Variants in FAR2 observed in about 807,000 individuals in gnomAD.
FAR2 encodes the protein epididymis secretory protein Li 81.
FAR2 carries 19 observed loss-of-function variants against 56.0 expected under a neutral mutation model. The ratio of observed to expected loss-of-function variants is 0.34; its 90% CI spans 0.24 to 0.50. The LOEUF is 0.50. FAR2 is among the 20% of genes least tolerant of loss of function. The pLI, the probability that FAR2 is intolerant of heterozygous loss-of-function variation, is 0.98. For missense variants in FAR2, 508 were observed against 642.2 expected (o/e 0.79, Z 2.26); for synonymous variants, 219 against 218.8 (o/e 1.00, Z -0.01).
intron 1 of FAR2, among the ~76,000 whole-genome samples, chr12:29,174,021 TC>T (rs1181503477): frequency 6.6e-6 from 1 of 152,084 alleles, no homozygotes; most frequent in Non-Finnish European, 1.5e-5. Flanking sequence ...TCCTAAGCAT[TC>T]TCCTGTTAGT....
intron 1 of FAR2, among the ~76,000 whole-genome samples, chr12:29,188,831 G>A (rs7296268): frequency 0.78 from 117,958 of 150,834 alleles, 46,984 homozygotes; most frequent in East Asian, 0.91. Flanking sequence ...CAGGTACCCT[G>A]TAAAAATTTT....
At chr12:29,157,752 T>TC (rs1949742769) in intron 1 of FAR2, among the ~76,000 whole-genome samples, 1 of 152,202 alleles carries the variant, frequency 6.6e-6, no homozygotes, top group Admixed American at 6.5e-5. Context: ...ATCCCAGGTA[T>TC]CCTTGAAAGC....
chr12:29,291,304 G>T (rs78573308), intron 2 of FAR2: 17,016 of 442,520 alleles, frequency 0.038, 471 homozygotes, highest in East Asian at 0.069. Flanking sequence ...CTGCAGAGGC[G>T]GTTAAGAAAT....
In FAR2 at chr12:29,242,084, C is replaced by T. The variant is rs141800347; in HGVS notation, c.-38-28328C>T. 1.4e-4 allele frequency among the ~76,000 whole-genome samples: 21 copies of T among 152,278 alleles called. No homozygotes were observed. The East Asian group carries it at 1.9e-3, about 14-fold the overall frequency. Reference sequence around the variant, plus strand: ...CAAACATCCGTGTTAATGCTCAGCACGCCACTTTACACCGAAGGAGTCACA... The same window carrying T: ...CAAACATCCGTGTTAATGCTCAGCATGCCACTTTACACCGAAGGAGTCACA... On this transcript the variant is annotated intron_variant, in intron 1 of 11. Transcript: ENST00000536681.
chr12:29,157,369 G>A (rs11050084), intron 1 of FAR2, among the ~76,000 whole-genome samples: 26,058 of 151,772 alleles, frequency 0.17, 2,390 homozygotes, highest in South Asian at 0.28. Context: ...TATCCCCTAT[G>A]GCTTTTGGAC....
Position 29,214,163 on chromosome 12 carries a change from A to G in FAR2, c.-38-56249A>G, listed in dbSNP as rs564698608. Among the ~76,000 whole-genome samples, 3 of 152,314 alleles carry G rather than the reference A, an allele frequency of 2.0e-5. No individual in the cohort carries two copies. In the South Asian group the frequency reaches 6.2e-4, roughly 32 times the overall value. On this transcript the variant is annotated intron_variant, in intron 1 of 11. Coordinates refer to ENST00000536681, the MANE Select transcript of FAR2 (RefSeq NM_001271783.2). The stretch of plus-strand genomic sequence containing the variant: ...CTTTTAGCTTGGATGCGTTATTCCA[A>G]TAATACTGAAAGAATATTGCTCTTC...
chr12:29,199,963 A>T (rs1947385276), intron 1 of FAR2, among the ~76,000 whole-genome samples: 1 of 152,152 alleles, frequency 6.6e-6, no homozygotes, highest in East Asian at 1.9e-4. Flanking sequence ...TAGAAAACCC[A>T]ATTAGATGTG....
At chr12:29,190,100 A>T (rs933533295) in intron 1 of FAR2, among the ~76,000 whole-genome samples, 1 of 152,166 alleles carries the variant, frequency 6.6e-6, no homozygotes, top group Non-Finnish European at 1.5e-5. Flanking sequence ...GCAGCTTTGG[A>T]GGGGAGGATA....
At chr12:29,211,261 G>A (rs1230719477) in intron 1 of FAR2, among the ~76,000 whole-genome samples, 3 of 151,972 alleles carry the variant, frequency 2.0e-5, no homozygotes, top group African/African-American at 4.8e-5. Context: ...ACTGCACTCC[G>A]GCCTGGGCAA....
At position 29,291,690 on chromosome 12, in the gene FAR2, G is replaced by A. The variant is rs571354206; in HGVS notation, c.190-1610G>A. Reference sequence around the variant, plus strand: ...CAATGCAGTTCACTTTGTGGACAGCGTTATGAAAAGACCAAAACCACTGAC... The same window carrying A: ...CAATGCAGTTCACTTTGTGGACAGCATTATGAAAAGACCAAAACCACTGAC... On this transcript the variant is annotated intron_variant, in intron 2 of 11. Transcript: ENST00000536681. 4.6e-5 allele frequency among the ~76,000 whole-genome samples: 7 copies of A among 152,258 alleles called. No individual in the cohort carries two copies. The South Asian group carries it at 6.2e-4, about 14-fold the overall frequency.
Position 29,307,790 on chromosome 12 carries a change from C to A in FAR2, c.678C>A (p.Ile226=), listed in dbSNP as rs1199287545. 1 of 1,612,736 alleles carries A rather than the reference C, an allele frequency of 6.2e-7. No individual in the cohort carries two copies. Among genetic ancestry groups the A allele is most frequent in the Non-Finnish European group, 8.5e-7 (1 of 1,179,842 alleles). ...QQESRNLNIA[I]IRPSIVGATW... ...AGAGCAGGAACCTGAACATTGCCAT[C>A]ATAAGGCCCTCCATTGTGGGAGCAA... The change falls in exon 5 of 12, where the codon ATC becomes ATA. Residue 226 remains isoleucine, a synonymous_variant. Transcript: ENST00000536681.
At chr12:29,164,702 G>A (rs551203753) in intron 1 of FAR2, among the ~76,000 whole-genome samples, 21 of 152,266 alleles carry the variant, frequency 1.4e-4, no homozygotes, top group Non-Finnish European at 2.8e-4. Context: ...AGACACAGAG[G>A]CTACTGAAGA....
chr12:29,321,952 G>T, intron 10 of FAR2, 28 bp downstream of exon 10: 1 of 1,586,992 alleles, frequency 6.3e-7, no homozygotes, highest in East Asian at 2.3e-5. Flanking sequence ...TTAAGCACCA[G>T]GAAAATGCTA....
At chr12:29,306,808 G>C (rs1949259937) in intron 4 of FAR2, among the ~76,000 whole-genome samples, 1 of 152,170 alleles carries the variant, frequency 6.6e-6, no homozygotes, top group African/African-American at 2.4e-5. Flanking sequence ...AGTAGGAGTA[G>C]TCAATAATCG....
chr12:29,317,302 A>G (rs1397407999), intron 9 of FAR2, among the ~76,000 whole-genome samples: 1 of 152,244 alleles, frequency 6.6e-6, no homozygotes, highest in Non-Finnish European at 1.5e-5. Context: ...ATTATTTAAA[A>G]TATTATGTAA....
intron 2 of FAR2, among the ~76,000 whole-genome samples, chr12:29,287,015 C>G (rs913853353): frequency 6.6e-6 from 1 of 152,132 alleles, no homozygotes; most frequent in Non-Finnish European, 1.5e-5. Context: ...AGTCACATAG[C>G]AAATCAATGG....
chr12:29,219,708 A>C (rs1947663699), intron 1 of FAR2, among the ~76,000 whole-genome samples: 2 of 152,228 alleles, frequency 1.3e-5, no homozygotes, highest in South Asian at 4.1e-4. Context: ...TTACATACAT[A>C]TAAGTCATTC....
intron 2 of FAR2, among the ~76,000 whole-genome samples, chr12:29,275,708 G>A (rs1216933475): frequency 1.3e-5 from 2 of 152,194 alleles, no homozygotes; most frequent in African/African-American, 2.4e-5. Context: ...TAGTCTGGGA[G>A]CTTTGTTGCC....
chr12:29,332,845 G>C (rs751131241), intron 11 of FAR2, 118 bp downstream of exon 11: 72 of 932,686 alleles, frequency 7.7e-5, no homozygotes, highest in Non-Finnish European at 8.4e-6. Context: ...TACATTACAG[G>C]TCCTGCACTC....
Sources: gnomAD v4.1 joint callset for allele counts (sites outside exome capture counted in the v4.1 genomes callset) on GRCh38, gnomAD v4.1.1 for gene constraint, MANE v1.5 for transcripts, NCBI Gene and HGNC (gene_info 2026-07-23, HGNC 2026-07-21) for gene names.